The following GALNT13 variants were observed in gnomAD, a reference collection of about 807,000 sequenced individuals.
GALNT13 encodes polypeptide N-acetylgalactosaminyltransferase 13.
Under a neutral mutation model 64.2 loss-of-function variants are expected in GALNT13, and 28 were observed. The observed-to-expected ratio is 0.44, with a 90% confidence interval of 0.32 to 0.60. The LOEUF is 0.60. Among genes scored for constraint, GALNT13 ranks in the 20% least tolerant of loss-of-function variants. GALNT13 has a pLI of 0.05. For missense variants in GALNT13, 577 were observed against 669.8 expected (o/e 0.86, Z 1.53); for synonymous variants, 214 against 224.6 (o/e 0.95, Z 0.42).
chr2:153,405,374 A>G, the GALNT13 span, among the ~76,000 whole-genome samples: 1 of 152,326 alleles, frequency 6.6e-6, no homozygotes, highest in South Asian at 2.1e-4. Flanking sequence ...AAATGCATGC[A>G]CAGGCATGCA....
chr2:153,872,635 AGC>A (rs1686053475), intron 1 of GALNT13, among the ~76,000 whole-genome samples: 2 of 42,294 alleles, frequency 4.7e-5, no homozygotes, highest in Non-Finnish European at 8.8e-5. Context: ...GGGGGGGGGG[AGC>A]GGCTCTGGCC....
chr2:153,625,476 G>C, the GALNT13 span, among the ~76,000 whole-genome samples: 1 of 152,032 alleles, frequency 6.6e-6, no homozygotes, highest in African/African-American at 2.4e-5. Context: ...TATTGACAGA[G>C]AGAAGAAAGA....
chr2:153,822,975 A>G, the GALNT13 span, among the ~76,000 whole-genome samples: 1 of 152,234 alleles, frequency 6.6e-6, no homozygotes, highest in Non-Finnish European at 1.5e-5. Flanking sequence ...ATATAGATCA[A>G]TAATGTTCAA....
the GALNT13 span, among the ~76,000 whole-genome samples, chr2:153,427,515 G>A: frequency 6.6e-6 from 1 of 152,014 alleles, no homozygotes; most frequent in Admixed American, 6.6e-5. Context: ...AAGAAAGATG[G>A]GGGAGAAAAG....
At chr2:153,121,224 C>G in the GALNT13 span, among the ~76,000 whole-genome samples, 1 of 152,294 alleles carries the variant, frequency 6.6e-6, no homozygotes, top group African/African-American at 2.4e-5. Context: ...AGATTGTTTG[C>G]CAGGCACTGT....
the GALNT13 span, among the ~76,000 whole-genome samples, chr2:153,757,981 AGT>A: frequency 6.6e-6 from 1 of 152,130 alleles, no homozygotes; most frequent in Non-Finnish European, 1.5e-5. Flanking sequence ...AGAAGTTTTA[AGT>A]GTGATATAAT....
the GALNT13 span, among the ~76,000 whole-genome samples, chr2:153,319,738 A>T: frequency 6.6e-6 from 1 of 152,262 alleles, no homozygotes; most frequent in Non-Finnish European, 1.5e-5. Context: ...TTCATTTTTC[A>T]CTTTTGACCT....
the GALNT13 span, among the ~76,000 whole-genome samples, chr2:153,343,215 C>T: frequency 2.0e-5 from 3 of 152,084 alleles, no homozygotes; most frequent in East Asian, 5.8e-4. Context: ...ATAAGGCATC[C>T]AAATAAGACC....
the GALNT13 span, among the ~76,000 whole-genome samples, chr2:153,291,000 T>C: frequency 2.0e-5 from 3 of 152,138 alleles, no homozygotes. Flanking sequence ...TTCCTTGTCT[T>C]TGTTGTTGGT....
intron 4 of GALNT13, among the ~76,000 whole-genome samples, chr2:154,150,872 A>C (rs1375425000): frequency 6.6e-6 from 1 of 152,092 alleles, no homozygotes; most frequent in East Asian, 1.9e-4. Context: ...GATCCTTTCA[A>C]AAAACCAGCT....
intron 8 of GALNT13, among the ~76,000 whole-genome samples, chr2:154,266,639 ATAGT>A (rs1030743476): frequency 2.2e-4 from 34 of 152,074 alleles, no homozygotes; most frequent in African/African-American, 7.7e-4. Context: ...TTATTTATTA[ATAGT>A]TAGTAGACTC....
intron 3 of GALNT13, among the ~76,000 whole-genome samples, chr2:154,115,338 A>G (rs1455640286): frequency 1.3e-5 from 2 of 152,136 alleles, no homozygotes; most frequent in African/African-American, 4.8e-5. Context: ...GTTTTAGGGT[A>G]CATGTGCACA....
chr2:154,261,582 G>T (rs1690699004), intron 8 of GALNT13, among the ~76,000 whole-genome samples: 1 of 152,114 alleles, frequency 6.6e-6, no homozygotes, highest in Non-Finnish European at 1.5e-5. Context: ...CAGAGGGTTT[G>T]AATCTAATAT....
chr2:153,566,362 T>G, the GALNT13 span, among the ~76,000 whole-genome samples: 1 of 143,082 alleles, frequency 7.0e-6, no homozygotes, highest in Admixed American at 6.9e-5. Context: ...TTTTTTTTTT[T>G]TTTTTTTTTT....
At chr2:153,776,415 G>A in the GALNT13 span, among the ~76,000 whole-genome samples, 1 of 152,174 alleles carries the variant, frequency 6.6e-6, no homozygotes, top group Non-Finnish European at 1.5e-5. Flanking sequence ...TAAGGCCAAA[G>A]AGCACAATGT....
chr2:154,298,447 TA>T (rs1287715788), intron 8 of GALNT13, among the ~76,000 whole-genome samples: 21 of 134,494 alleles, frequency 1.6e-4, no homozygotes, highest in African/African-American at 5.5e-4. Flanking sequence ...AAATTATATA[TA>T]ATTTATATAT....
In GALNT13 at chr2:153,906,252, A is replaced by G. The variant is rs372409143; in HGVS notation, c.-105+5245A>G. Among the ~76,000 whole-genome samples, 12 of 147,618 alleles carry G rather than the reference A, an allele frequency of 8.1e-5. 1 individual carries two copies. The highest frequency in any genetic ancestry group is 4.7e-4 in the Admixed American group (7 of 14,832). ...CTTTTTTTCTTTTTTTTTAAATTTTATTATTATTATACTTTAAGTTTTAGG... is the reference window on the plus strand; with the variant it reads ...CTTTTTTTCTTTTTTTTTAAATTTTGTTATTATTATACTTTAAGTTTTAGG... On this transcript the variant is annotated intron_variant, in intron 2 of 12. Coordinates refer to ENST00000392825, the MANE Select transcript of GALNT13 (RefSeq NM_052917.4).
At chr2:154,446,820 A>G in intron 12 of GALNT13, 1 of 1,425,538 alleles carries the variant, frequency 7.0e-7, no homozygotes. Context: ...ATGTTCAGTT[A>G]TTGAAATCTG....
the GALNT13 span, among the ~76,000 whole-genome samples, chr2:153,606,318 C>T: frequency 0.018 from 2,723 of 152,092 alleles, 83 homozygotes; most frequent in African/African-American, 0.063. Flanking sequence ...ATTTCTGTAG[C>T]CTATTTCTGG....
Sources: gnomAD v4.1 joint callset for allele counts (sites outside exome capture counted in the v4.1 genomes callset) on GRCh38, gnomAD v4.1.1 for gene constraint, MANE v1.5 for transcripts, NCBI Gene and HGNC (gene_info 2026-07-23, HGNC 2026-07-21) for gene names.